Variants in DOCK3 observed in about 807,000 individuals in gnomAD.
DOCK3 encodes dedicator of cytokinesis 3.
A neutral mutation model predicts 265.6 loss-of-function variants in DOCK3; 60 were observed. The ratio of observed to expected loss-of-function variants is 0.23; its 90% CI spans 0.18 to 0.28. The LOEUF is 0.28. DOCK3 is among the 10% of genes least tolerant of loss of function. The pLI, the probability that DOCK3 is intolerant of heterozygous loss-of-function variation, is 1.00. For synonymous variants in DOCK3, 881 were observed against 938.0 expected (o/e 0.94, Z 1.11); for missense variants, 1,981 against 2,594.3 (o/e 0.76, Z 5.14).
At chr3:51,288,532 C>T (rs2081545506) in intron 27 of DOCK3, among the ~76,000 whole-genome samples, 1 of 152,018 alleles carries the variant, frequency 6.6e-6, no homozygotes, top group Non-Finnish European at 1.5e-5. Flanking sequence ...AATCTGGACA[C>T]CAAACCTCCA....
chr3:50,679,030 G>A (rs1236963218), intron 1 of DOCK3, among the ~76,000 whole-genome samples: 1 of 152,196 alleles, frequency 6.6e-6, no homozygotes, highest in East Asian at 1.9e-4. Context: ...AGCCAGGAGG[G>A]CCTCAATCTC....
chr3:50,753,089 C>T (rs1393463285), intron 1 of DOCK3, among the ~76,000 whole-genome samples: 2 of 152,128 alleles, frequency 1.3e-5, no homozygotes, highest in African/African-American at 2.4e-5. Context: ...CAGATCTCCA[C>T]ACGTTTTTTT....
chr3:50,971,745 G>T (rs879942901), intron 5 of DOCK3, among the ~76,000 whole-genome samples: 3 of 152,160 alleles, frequency 2.0e-5, no homozygotes, highest in Non-Finnish European at 2.9e-5. Context: ...GAACTGGGCT[G>T]GTCTATAGAA....
At chr3:51,101,505 A>C (rs1338535543) in intron 9 of DOCK3, among the ~76,000 whole-genome samples, 1 of 152,210 alleles carries the variant, frequency 6.6e-6, no homozygotes, top group Non-Finnish European at 1.5e-5. Context: ...TGGTAGAATG[A>C]TACTCCATTG....
intron 5 of DOCK3, among the ~76,000 whole-genome samples, chr3:51,011,118 G>T (rs1037428189): frequency 6.6e-6 from 1 of 152,084 alleles, no homozygotes; most frequent in African/African-American, 2.4e-5. Flanking sequence ...TCTTCTCGAG[G>T]AGTGTCTTTA....
chr3:50,737,816 C>T (rs967200288), intron 1 of DOCK3, among the ~76,000 whole-genome samples: 1 of 152,148 alleles, frequency 6.6e-6, no homozygotes, highest in African/African-American at 2.4e-5. Context: ...TTCCTTATTT[C>T]ATTCAGTTGT....
intron 1 of DOCK3, among the ~76,000 whole-genome samples, chr3:50,726,867 G>A (rs1008525853): frequency 6.6e-6 from 1 of 152,078 alleles, no homozygotes; most frequent in Admixed American, 6.6e-5. Context: ...TGTGAGACTT[G>A]CAAAGAAACA....
intron 3 of DOCK3, among the ~76,000 whole-genome samples, chr3:50,875,643 G>A (rs1181106002): frequency 6.6e-6 from 1 of 152,128 alleles, no homozygotes; most frequent in African/African-American, 2.4e-5. Flanking sequence ...GATTCCCTGG[G>A]ATGAATCCCA....
At chr3:51,286,047 A>G (rs1429301256) in intron 27 of DOCK3, among the ~76,000 whole-genome samples, 2 of 152,210 alleles carry the variant, frequency 1.3e-5, no homozygotes, top group African/African-American at 4.8e-5. Flanking sequence ...TACAGATGTT[A>G]TAATTCTATA....
chr3:51,062,342 T>C (rs1167846832), intron 5 of DOCK3, among the ~76,000 whole-genome samples: 1 of 152,192 alleles, frequency 6.6e-6, no homozygotes, highest in East Asian at 1.9e-4. Context: ...ACACTGACCC[T>C]GTTTTTCCTG....
chr3:50,809,758 A>G (rs2043631017), intron 2 of DOCK3, among the ~76,000 whole-genome samples: 1 of 152,232 alleles, frequency 6.6e-6, no homozygotes, highest in South Asian at 2.1e-4. Context: ...GACCCATCAC[A>G]GACATATTAT....
chr3:51,129,915 C>T (rs1037414072), intron 9 of DOCK3, among the ~76,000 whole-genome samples: 7 of 152,208 alleles, frequency 4.6e-5, no homozygotes, highest in Non-Finnish European at 7.3e-5. Context: ...CCACTCAAAA[C>T]GGTCAGGTCA....
chr3:51,196,922 T>C (rs1305291374), intron 12 of DOCK3, among the ~76,000 whole-genome samples: 2 of 152,232 alleles, frequency 1.3e-5, no homozygotes, highest in African/African-American at 4.8e-5. Context: ...GTGTCATATT[T>C]CCTTGCTTTT....
chr3:51,106,730 C>T (rs772001697), intron 9 of DOCK3, among the ~76,000 whole-genome samples: 1 of 152,206 alleles, frequency 6.6e-6, no homozygotes, highest in African/African-American at 2.4e-5. Context: ...ACCCTGCCCC[C>T]GTGCTAACAC....
chr3:51,109,403 C>T (rs1423153831), intron 9 of DOCK3, among the ~76,000 whole-genome samples: 2 of 151,974 alleles, frequency 1.3e-5, no homozygotes, highest in African/African-American at 4.8e-5. Flanking sequence ...TTGCACTAAA[C>T]ACTCATATCA....
intron 1 of DOCK3, among the ~76,000 whole-genome samples, chr3:50,684,880 A>G (rs540443288): frequency 1.3e-5 from 2 of 152,312 alleles, no homozygotes; most frequent in East Asian, 3.9e-4. Flanking sequence ...TTTCCTATGT[A>G]ACATTTCCTT....
At position 51,358,077 on chromosome 3, in the gene DOCK3, T is replaced by C. The variant is rs2086478982; in HGVS notation, c.4884T>C (p.His1628=). 7 of 1,613,382 alleles carry C rather than the reference T, an allele frequency of 4.3e-6. No homozygotes were observed. In the African/African-American group the frequency reaches 6.7e-5, roughly 15 times the overall value. ...QFQMMRASLY[H]EFPGLDKLSP... Reference sequence around the variant, plus strand: ...AGATGATGCGGGCCAGTCTCTACCATGTAAGTTGATCCCTGTCCTGCCCCT... The same window carrying C: ...AGATGATGCGGGCCAGTCTCTACCACGTAAGTTGATCCCTGTCCTGCCCCT... Residue 1628 remains histidine (H), a splice_region_variant and synonymous_variant, in exon 46 of 53, where the codon CAT becomes CAC. Transcript: ENST00000266037.
chr3:51,005,394 C>T (rs939937839), intron 5 of DOCK3, among the ~76,000 whole-genome samples: 6 of 152,144 alleles, frequency 3.9e-5, no homozygotes, highest in African/African-American at 1.4e-4. Flanking sequence ...TGTCCCCTCT[C>T]GCCATTATCA....
chr3:51,162,086 C>T, intron 12 of DOCK3, among the ~76,000 whole-genome samples: 1 of 152,156 alleles, frequency 6.6e-6, no homozygotes, highest in East Asian at 1.9e-4. Context: ...GTTTTTAAAG[C>T]AAGTATATTT....
Sources: gnomAD v4.1 joint callset for allele counts (sites outside exome capture counted in the v4.1 genomes callset) on GRCh38, gnomAD v4.1.1 for gene constraint, MANE v1.5 for transcripts, NCBI Gene and HGNC (gene_info 2026-07-23, HGNC 2026-07-21) for gene names.